Variants in DOT1L observed in about 807,000 individuals in gnomAD.
DOT1L encodes histone-lysine N-methyltransferase, H3 lysine-79 specific.
Under a neutral mutation model 153.3 loss-of-function variants are expected in DOT1L, and 33 were observed. That is an observed-to-expected ratio of 0.22 (90% confidence interval 0.16 to 0.29). The LOEUF (loss-of-function observed/expected upper bound fraction) is 0.29. Ranked by LOEUF, DOT1L falls within the 10% of genes least tolerant of loss-of-function variation. DOT1L has a pLI of 1.00. For synonymous variants in DOT1L, 1,135 were observed against 965.1 expected (o/e 1.18, Z -3.26); for missense variants, 1,847 against 2,119.9 (o/e 0.87, Z 2.53).
intron 3 of DOT1L, among the ~76,000 whole-genome samples, chr19:2,188,637 CCGGTGAGAGCCACTGTG>C (rs1299585416): frequency 1.3e-5 from 2 of 152,156 alleles, no homozygotes; most frequent in South Asian, 2.1e-4. Flanking sequence ...CCTGGGGTCC[CCGGTGAGAGCCACTGTG>C]TGTGACAGTG....
intron 1 of DOT1L, among the ~76,000 whole-genome samples, chr19:2,168,396 G>T (rs2020007539): frequency 6.6e-6 from 1 of 152,212 alleles, no homozygotes; most frequent in Non-Finnish European, 1.5e-5. Flanking sequence ...AGGTCCCCAG[G>T]GAGGGGCTGC....
chr19:2,227,144 T>G lies in DOT1L; in HGVS notation c.4606+17T>G, dbSNP rs772216964. ...CAGTTGGAGGTAGGCAGGGCGGCCG[T>G]CCGTCCGCCCCCCGCCCCGGCCCCC... On this transcript the variant is annotated intron_variant, in intron 27 of 27. Transcript: ENST00000398665. 10 of 1,554,076 alleles carry G rather than the reference T, an allele frequency of 6.4e-6. No individual in the cohort carries two copies. The highest frequency in any genetic ancestry group is 1.9e-5 in the Admixed American group (1 of 52,316).
chr19:2,187,948 A>G (rs2022610546), intron 3 of DOT1L, among the ~76,000 whole-genome samples: 2 of 149,566 alleles, frequency 1.3e-5, no homozygotes, highest in South Asian at 4.2e-4. Context: ...AGGGAAGTGA[A>G]AAGACAGGAA....
chr19:2,167,066 T>C (rs1341543416), intron 1 of DOT1L, among the ~76,000 whole-genome samples: 1 of 152,184 alleles, frequency 6.6e-6, no homozygotes, highest in African/African-American at 2.4e-5. Context: ...CATTGGACAG[T>C]TGGGCCACAG....
At chr19:2,209,043 C>A in intron 12 of DOT1L, 67 bp downstream of exon 12, 1 of 1,554,282 alleles carries the variant, frequency 6.4e-7, no homozygotes, top group African/African-American at 1.4e-5. Flanking sequence ...AATGCAAAGC[C>A]GTGCGCAGCC....
chr19:2,228,465 G>T, intron 27 of DOT1L: 1 of 1,215,338 alleles, frequency 8.2e-7, no homozygotes, highest in Non-Finnish European at 1.0e-6. Flanking sequence ...ACAGGGCTCG[G>T]CAGAAGTTCC....
At chr19:2,211,272 C>A in intron 15 of DOT1L, 60 bp downstream of exon 15, 2 of 1,447,668 alleles carry the variant, frequency 1.4e-6, no homozygotes, top group East Asian at 2.3e-5. Context: ...CCAGGAGGAC[C>A]GTGGGTTGTG....
chr19:2,229,339 C>G (rs968362104), intron 27 of DOT1L: 3 of 985,448 alleles, frequency 3.0e-6, no homozygotes, highest in Non-Finnish European at 3.6e-6. Flanking sequence ...CTCAGGGGCC[C>G]CTGGGACACA....
At chr19:2,212,255 C>T (rs189439503) in intron 16 of DOT1L, 150 of 155,578 alleles carry the variant, frequency 9.6e-4, no homozygotes, top group African/African-American at 3.3e-3. Flanking sequence ...CTCCGCCTCC[C>T]GGGTTCACGC....
In DOT1L at chr19:2,213,757, C is replaced by T. The variant is rs1025821934; in HGVS notation, c.1660-92C>T. 4.2e-5 allele frequency: 68 copies of T among 1,602,282 alleles called. No homozygotes were observed. The East Asian group carries it at 1.5e-3, about 35-fold the overall frequency. On this transcript the variant is annotated intron_variant, in intron 17 of 27. Coordinates refer to ENST00000398665, the MANE Select transcript of DOT1L (RefSeq NM_032482.3). ...GTCTATGCCTCTGTCCAGCTGTGTC[C>T]CAGGGGCTGGGCTGCAGGGGTGGTC...
At chr19:2,227,206 C>G (rs755396053) in intron 27 of DOT1L, 79 bp downstream of exon 27, 90 of 1,539,776 alleles carry the variant, frequency 5.8e-5, no homozygotes, top group Non-Finnish European at 5.5e-5. Flanking sequence ...CCCTTCCGCA[C>G]TCTCTTGCAG....
At position 2,222,033 on chromosome 19, in the gene DOT1L, C is replaced by G. The variant is rs530743556; in HGVS notation, c.2864C>G (p.Ser955Cys). ...ISGALAGSPA[S>C]LTPGAEPATL... The stretch of plus-strand genomic sequence containing the variant: ...GGGGCCTTGGCGGGCAGCCCGGCCT[C>G]TCTCACACCTGGAGCCGAGCCGGCC... The change falls in exon 24 of 28, where the codon TCT becomes TGT. Residue 955 changes from serine to cysteine, a missense_variant. Ser to Cys is a moderately radical substitution (Grantham distance 112). Coordinates refer to ENST00000398665, the MANE Select transcript of DOT1L (RefSeq NM_032482.3). This position sits in a 1 kb window ranked among gnomAD's most constrained non-coding sequence, Gnocchi z 6.5. The G allele has an allele frequency of 1.2e-6, 2 of 1,612,770 alleles. No homozygotes were observed. The highest frequency in any genetic ancestry group is 1.7e-4 in the Middle Eastern group (1 of 6,056).
chr19:2,217,921 G>A lies in DOT1L; in HGVS notation c.2691+3G>A, dbSNP rs2023965147. On this transcript the variant is annotated splice_donor_region_variant and intron_variant, in intron 22 of 27. Coordinates refer to ENST00000398665, the MANE Select transcript of DOT1L (RefSeq NM_032482.3). The surrounding 1 kb of genome is among the most constrained non-coding windows in gnomAD (Gnocchi z 7.3). ...TGCCCAGCCGCGCCGAGAGGGCGGT[G>A]AGTGGCTCCCAGGTGGCTGTCCCCA... is the stretch of plus-strand genomic sequence containing the variant. The A allele has an allele frequency of 6.2e-7, 1 of 1,610,784 alleles. No homozygotes were observed. Among genetic ancestry groups the A allele is most frequent in the Non-Finnish European group, 8.5e-7 (1 of 1,179,532 alleles).
At chr19:2,206,671 G>A (rs2023508112) in intron 9 of DOT1L, 58 bp from the exon 10 acceptor site, 1 of 1,551,102 alleles carries the variant, frequency 6.4e-7, no homozygotes, top group African/African-American at 1.4e-5. Flanking sequence ...ACCTTGAGTG[G>A]TGTCTGCTCT....
At chr19:2,214,047 TGTCCTCTGTGC>T in intron 18 of DOT1L, 61 bp downstream of exon 18, 1 of 1,562,582 alleles carries the variant, frequency 6.4e-7, no homozygotes, top group Non-Finnish European at 8.7e-7. Flanking sequence ...TGGGCGGGTG[TGTCCTCTGTGC>T]GGGTGGGAGG....
At chr19:2,167,398 G>A (rs914318114) in intron 1 of DOT1L, among the ~76,000 whole-genome samples, 3 of 152,194 alleles carry the variant, frequency 2.0e-5, no homozygotes, top group African/African-American at 7.2e-5. Context: ...TGGTGTCCCC[G>A]CCCGCATGCC....
Position 2,213,849 on chromosome 19 carries a change from C to T in DOT1L, c.1660C>T (p.Leu554=), listed in dbSNP as rs745605087. The part of the protein sequence containing the change: ...RRLFQQKLDE[L]GVKALTYNDL... ...CCTCTCCCCCGCCCCATGTCCCCAG[C>T]TGGGTGTGAAGGCGCTGACCTACAA... Residue 554 remains leucine (L), a splice_region_variant and synonymous_variant, in exon 18 of 28, where the codon CTG becomes TTG. Coordinates refer to ENST00000398665, the MANE Select transcript of DOT1L (RefSeq NM_032482.3). 8.7e-6 allele frequency: 14 copies of T among 1,613,126 alleles called. No homozygotes were observed. In the South Asian group the frequency reaches 1.5e-4, roughly 18 times the overall value.
Position 2,230,469 on chromosome 19 carries a change from G to A in DOT1L, c.*677G>A, listed in dbSNP as rs886721163. 2.5e-6 allele frequency: 1 copy of A among 399,152 alleles called. No homozygotes were observed. The highest frequency in any genetic ancestry group is 4.4e-6 in the Non-Finnish European group (1 of 226,442). 24.7% of individuals were successfully genotyped at this position (399,152 alleles called of 1,614,324 possible). ...GTGAAGGGGCCTGCGCGGTGACGCA[G>A]CTGGCCATGTGCTGCGCGATGGTGC... On this transcript the variant is annotated 3_prime_UTR_variant, in exon 28 of 28. Transcript: ENST00000398665.
chr19:2,221,659 A>G (rs201638420), intron 23 of DOT1L: 5 of 400,892 alleles, frequency 1.2e-5, no homozygotes, highest in East Asian at 3.7e-5. Flanking sequence ...CCAGAGGGCA[A>G]CTTACTCAGA....
Sources: gnomAD v4.1 joint callset for allele counts (sites outside exome capture counted in the v4.1 genomes callset) on GRCh38, gnomAD v4.1.1 for gene constraint, Gnocchi (gnomAD v3.1) non-coding constraint, MANE v1.5 for transcripts, NCBI Gene and HGNC (gene_info 2026-07-23, HGNC 2026-07-21) for gene names.